The following DLC1 variants were observed in gnomAD, a reference collection of about 807,000 sequenced individuals.
DLC1 encodes the protein DLC1 Rho GTPase activating protein, also known as rho GTPase-activating protein 7.
Under a neutral mutation model 140.3 loss-of-function variants are expected in DLC1, and 54 were observed. The observed-to-expected ratio is 0.38, with a 90% CI of 0.31 to 0.48. The LOEUF (loss-of-function observed/expected upper bound fraction) is 0.48. Ranked by LOEUF, DLC1 falls within the 20% of genes least tolerant of loss-of-function variation. DLC1 has a pLI of 0.96. For missense variants in DLC1, 2,536 were observed against 1,907.0 expected (o/e 1.33, Z -6.14); for synonymous variants, 986 against 728.1 (o/e 1.35, Z -5.70).
intron 1 of DLC1, among the ~76,000 whole-genome samples, chr8:13,550,616 A>T (rs1803813917): frequency 6.6e-6 from 1 of 152,144 alleles, no homozygotes; most frequent in Non-Finnish European, 1.5e-5. Flanking sequence ...AAATAAAATA[A>T]TAGAATCTTA....
chr8:13,414,603 C>G (rs1585067147), intron 2 of DLC1, among the ~76,000 whole-genome samples: 3 of 152,206 alleles, frequency 2.0e-5, no homozygotes, highest in Admixed American at 6.5e-5. Context: ...TAAACCCAAA[C>G]TGACATTTTC....
chr8:13,304,791 C>T, intron 5 of DLC1: 1 of 960,194 alleles, frequency 1.0e-6, no homozygotes, highest in Non-Finnish European at 1.2e-6. Context: ...AAGCACAGAA[C>T]ACAGAAAAAT....
intron 4 of DLC1, among the ~76,000 whole-genome samples, chr8:13,337,551 A>G (rs1449515173): frequency 6.6e-6 from 1 of 152,202 alleles, no homozygotes; most frequent in Non-Finnish European, 1.5e-5. Context: ...ATTAGGGCAC[A>G]GATTCTGATG....
intron 5 of DLC1, among the ~76,000 whole-genome samples, chr8:13,278,184 A>G (rs187486765): frequency 4.9e-4 from 74 of 152,340 alleles, no homozygotes; most frequent in African/African-American, 1.7e-3. Context: ...ATGCATGCTA[A>G]CTGCTGATGT....
intron 2 of DLC1, among the ~76,000 whole-genome samples, chr8:13,402,643 G>A (rs1406344954): frequency 6.6e-6 from 1 of 152,220 alleles, no homozygotes; most frequent in South Asian, 2.1e-4. Flanking sequence ...AGTGGCTGAT[G>A]TCAGTGGAAA....
chr8:13,176,410 C>T (rs1825761939), intron 5 of DLC1, among the ~76,000 whole-genome samples: 1 of 152,210 alleles, frequency 6.6e-6, no homozygotes, highest in Admixed American at 6.5e-5. Context: ...AACCCCGTCT[C>T]TATTAAAAAA....
intron 4 of DLC1, among the ~76,000 whole-genome samples, chr8:13,392,051 C>G (rs558528774): frequency 1.8e-4 from 28 of 151,926 alleles, no homozygotes; most frequent in Non-Finnish European, 3.8e-4. Context: ...TCTCAACTTT[C>G]CTTACCCATT....
At chr8:13,353,355 G>A (rs981317675) in intron 4 of DLC1, 4 of 152,118 alleles carry the variant, frequency 2.6e-5, no homozygotes, top group Admixed American at 6.5e-5. Flanking sequence ...TATAATATCT[G>A]TAAAAGACTT....
intron 12 of DLC1, 77 bp downstream of exon 12, chr8:13,094,682 C>T (rs370112576): frequency 2.6e-6 from 4 of 1,550,258 alleles, no homozygotes; most frequent in Middle Eastern, 1.7e-4. Context: ...AAAAAGAATG[C>T]TATCAAGGAA....
chr8:13,388,438 A>G (rs1307510193), intron 4 of DLC1, among the ~76,000 whole-genome samples: 1 of 152,020 alleles, frequency 6.6e-6, no homozygotes, highest in Non-Finnish European at 1.5e-5. Flanking sequence ...ATTGGTAACA[A>G]TAAATCTGCA....
intron 5 of DLC1, among the ~76,000 whole-genome samples, chr8:13,188,763 A>G (rs1421518678): frequency 4.4e-5 from 6 of 136,226 alleles, no homozygotes; most frequent in African/African-American, 1.6e-4. Context: ...GGCATGTGCC[A>G]CCATGCCCAG....
chr8:13,365,091 C>T (rs556805902), intron 4 of DLC1, among the ~76,000 whole-genome samples: 8 of 152,206 alleles, frequency 5.3e-5, no homozygotes, highest in Non-Finnish European at 8.8e-5. Context: ...TCTGTATTCC[C>T]GTAGTATAGT....
At chr8:13,537,304 A>G (rs1563426885) in intron 1 of DLC1, among the ~76,000 whole-genome samples, 1 of 152,176 alleles carries the variant, frequency 6.6e-6, no homozygotes, top group Non-Finnish European at 1.5e-5. Context: ...CCTCCACAAT[A>G]AACTGTGATC....
At chr8:13,294,361 C>G (rs146788212) in intron 5 of DLC1, among the ~76,000 whole-genome samples, 67 of 152,262 alleles carry the variant, frequency 4.4e-4, no homozygotes, top group Non-Finnish European at 8.5e-4. Flanking sequence ...ATGGAACGCT[C>G]AGAAGACAAT....
intron 2 of DLC1, among the ~76,000 whole-genome samples, chr8:13,474,023 G>A (rs1195782926): frequency 2.6e-5 from 4 of 152,214 alleles, no homozygotes; most frequent in Non-Finnish European, 5.9e-5. Context: ...GGAGCCAAAT[G>A]TTAATCCCCA....
chr8:13,115,078 C>T (rs1354656924), intron 6 of DLC1, among the ~76,000 whole-genome samples: 1 of 152,006 alleles, frequency 6.6e-6, no homozygotes, highest in Non-Finnish European at 1.5e-5. Context: ...GCCAAAATAC[C>T]CACCAACCAG....
intron 13 of DLC1, among the ~76,000 whole-genome samples, chr8:13,092,223 C>A (rs1818137019): frequency 6.6e-6 from 1 of 152,172 alleles, no homozygotes; most frequent in East Asian, 1.9e-4. Flanking sequence ...CCAGCCTGGG[C>A]AACAGAGCAA....
At chr8:13,184,102 T>C (rs1826203886) in intron 5 of DLC1, among the ~76,000 whole-genome samples, 1 of 152,240 alleles carries the variant, frequency 6.6e-6, no homozygotes, top group Non-Finnish European at 1.5e-5. Flanking sequence ...TTTATTTGCA[T>C]AGAGGTGTTA....
chr8:13,133,183 C>T, intron 5 of DLC1: 1 of 1,430,980 alleles, frequency 7.0e-7, no homozygotes, highest in Non-Finnish European at 9.1e-7. Flanking sequence ...AGGGAGCGCT[C>T]AGGGAGTTGG....
Sources: gnomAD v4.1 joint callset for allele counts (sites outside exome capture counted in the v4.1 genomes callset) on GRCh38, gnomAD v4.1.1 for gene constraint, MANE v1.5 for transcripts, NCBI Gene and HGNC (gene_info 2026-07-23, HGNC 2026-07-21) for gene names.